The following NLK variants were observed in gnomAD, a reference collection of about 807,000 sequenced individuals.
NLK encodes the protein serine/threonine-protein kinase NLK.
In NLK, 11 loss-of-function variants were observed where a neutral mutation model predicts 59.0. The ratio of observed to expected loss-of-function variants is 0.19; its 90% CI spans 0.12 to 0.31. NLK has a LOEUF of 0.31. Among genes scored for constraint, NLK ranks in the 10% least tolerant of loss-of-function variants. The pLI is 1.00. For missense variants in NLK, 410 were observed against 661.1 expected, an observed-to-expected ratio of 0.62 and a Z score of 4.16; for synonymous variants, 235 against 235.9, an observed-to-expected ratio of 1.00 and a Z score of 0.03.
At chr17:28,182,722 G>T (rs1597726563) in intron 7 of NLK, among the ~76,000 whole-genome samples, 1 of 149,466 alleles carries the variant, frequency 6.7e-6, no homozygotes, top group East Asian at 2.0e-4. Context: ...TTGGAGCTCT[G>T]TTCTCTTGTT....
chr17:28,044,902 G>A (rs1225427242), intron 1 of NLK, among the ~76,000 whole-genome samples: 1 of 152,154 alleles, frequency 6.6e-6, no homozygotes, highest in African/African-American at 2.4e-5. Context: ...GATACTGAAA[G>A]GGAAATGGGT....
At chr17:28,058,655 G>A (rs1282717991) in intron 1 of NLK, among the ~76,000 whole-genome samples, 1 of 152,180 alleles carries the variant, frequency 6.6e-6, no homozygotes, top group East Asian at 1.9e-4. Flanking sequence ...GCCTACTTAG[G>A]AGGCTATGGC....
intron 1 of NLK, among the ~76,000 whole-genome samples, chr17:28,060,215 A>C (rs1327512039): frequency 6.6e-5 from 10 of 152,172 alleles, no homozygotes; most frequent in Non-Finnish European, 8.8e-5. Context: ...CAAAGCCAAA[A>C]AATAAGAAAA....
At position 28,083,648 on chromosome 17, in the gene NLK, G is replaced by A. The variant is rs185202265; in HGVS notation, c.459-38955G>A. ...TTTATGATTTTTGTTGTTGTTGTTG[G>A]TTTATATGTTTGTTTTTAGTGTCAA... On this transcript the variant is annotated intron_variant, in intron 1 of 10. Coordinates refer to ENST00000407008, the MANE Select transcript of NLK (RefSeq NM_016231.5). Among the ~76,000 whole-genome samples, 83 of 152,142 alleles carry A rather than the reference G, an allele frequency of 5.5e-4. No homozygotes were observed. The East Asian group carries it at 0.015, about 28-fold the overall frequency.
chr17:28,134,295 A>G (rs1030418196), intron 3 of NLK, among the ~76,000 whole-genome samples: 12 of 151,948 alleles, frequency 7.9e-5, no homozygotes, highest in Non-Finnish European at 1.2e-4. Flanking sequence ...CAGCCACTCA[A>G]GAGGCTGAGG....
chr17:28,059,209 T>G (rs1909547814), intron 1 of NLK, among the ~76,000 whole-genome samples: 1 of 152,144 alleles, frequency 6.6e-6, no homozygotes, highest in Admixed American at 6.5e-5. Flanking sequence ...TGGCGGAATT[T>G]TTATGAGAGG....
At chr17:28,061,318 A>C (rs1909625811) in intron 1 of NLK, among the ~76,000 whole-genome samples, 1 of 152,250 alleles carries the variant, frequency 6.6e-6, no homozygotes, top group South Asian at 2.1e-4. Flanking sequence ...ACATTAAAAG[A>C]AAAATGGTCT....
the NLK span, among the ~76,000 whole-genome samples, chr17:28,205,622 T>C: frequency 6.6e-6 from 1 of 152,214 alleles, no homozygotes; most frequent in African/African-American, 2.4e-5. Context: ...TGTTTCTTGA[T>C]GGATACTTTT....
chr17:28,142,080 A>G (rs886442377), intron 3 of NLK, among the ~76,000 whole-genome samples: 1 of 152,092 alleles, frequency 6.6e-6, no homozygotes, highest in African/African-American at 2.4e-5. Flanking sequence ...AAATAACATC[A>G]TTTTCTCTAG....
chr17:28,133,623 T>C (rs975531136), intron 3 of NLK, among the ~76,000 whole-genome samples: 1 of 152,158 alleles, frequency 6.6e-6, no homozygotes, highest in Admixed American at 6.5e-5. Flanking sequence ...CTGGGCAAAG[T>C]GTCACCAGTT....
chr17:28,167,168 A>G (rs748162979), intron 5 of NLK, among the ~76,000 whole-genome samples: 3 of 152,068 alleles, frequency 2.0e-5, no homozygotes, highest in African/African-American at 7.2e-5. Context: ...TTCAAGATAC[A>G]CCCCTTTATC....
At chr17:28,108,994 C>T (rs1905337021) in intron 1 of NLK, among the ~76,000 whole-genome samples, 1 of 151,888 alleles carries the variant, frequency 6.6e-6, no homozygotes, top group African/African-American at 2.4e-5. Flanking sequence ...TGGTGAAACC[C>T]CATCTCTACT....
chr17:28,125,779 C>T (rs1011800379), intron 2 of NLK, among the ~76,000 whole-genome samples: 2 of 152,080 alleles, frequency 1.3e-5, no homozygotes, highest in African/African-American at 2.4e-5. Flanking sequence ...GGTGCTAGGT[C>T]ATGTGGAGGA....
chr17:28,110,798 T>A (rs1290552164), intron 1 of NLK, among the ~76,000 whole-genome samples: 1 of 152,158 alleles, frequency 6.6e-6, no homozygotes, highest in African/African-American at 2.4e-5. Context: ...ACCATATTTT[T>A]CTTTAATTTG....
chr17:28,055,044 GATAGTA>G (rs986847703), intron 1 of NLK, among the ~76,000 whole-genome samples: 2 of 151,574 alleles, frequency 1.3e-5, no homozygotes, highest in Non-Finnish European at 2.9e-5. Context: ...ATACAGCGGA[GATAGTA>G]ATAGTATTCC....
chr17:28,128,555 G>A (rs1906383275), intron 2 of NLK, among the ~76,000 whole-genome samples: 2 of 152,138 alleles, frequency 1.3e-5, no homozygotes, highest in Admixed American at 1.3e-4. Context: ...ACATATCAAA[G>A]TGTTCAAAGT....
At chr17:28,163,099 A>G (rs2142049490) in intron 4 of NLK, among the ~76,000 whole-genome samples, 1 of 152,290 alleles carries the variant, frequency 6.6e-6, no homozygotes, top group African/African-American at 2.4e-5. Context: ...AGTGTGGGCA[A>G]GTTCCTGAAT....
At chr17:28,070,144 G>C (rs1351017942) in intron 1 of NLK, among the ~76,000 whole-genome samples, 1 of 151,794 alleles carries the variant, frequency 6.6e-6, no homozygotes, top group Non-Finnish European at 1.5e-5. Context: ...GCTGAGGCAT[G>C]AGAATCATTT....
chr17:28,047,305 A>G (rs1909093401), intron 1 of NLK, among the ~76,000 whole-genome samples: 1 of 152,338 alleles, frequency 6.6e-6, no homozygotes. Flanking sequence ...ATCAGCATGC[A>G]GACTATTTTT....
Sources: gnomAD v4.1 joint callset for allele counts (sites outside exome capture counted in the v4.1 genomes callset) on GRCh38, gnomAD v4.1.1 for gene constraint, MANE v1.5 for transcripts, NCBI Gene and HGNC (gene_info 2026-07-23, HGNC 2026-07-21) for gene names.